C21orf91: variants seen among roughly 807,000 people sequenced by gnomAD.
The protein encoded by C21orf91 is protein EURL homolog.
C21orf91 carries 26 observed loss-of-function variants against 32.9 expected under a neutral mutation model. The observed-to-expected ratio is 0.79, with a 90% confidence interval of 0.58 to 1.10. C21orf91 has a LOEUF of 1.10. Among genes scored for constraint, C21orf91 ranks in the 50% least tolerant of loss-of-function variants. The probability of loss-of-function intolerance (pLI) is 0.00; values close to 1 mark genes in which losing one functional copy is unlikely to be tolerated. For missense variants in C21orf91, 310 were observed against 341.3 expected, an observed-to-expected ratio of 0.91 and a Z score of 0.72; for synonymous variants, 126 against 120.4, an observed-to-expected ratio of 1.05 and a Z score of -0.31.
intron 1 of C21orf91, chr21:17,819,087 G>T (rs1390145509): frequency 6.6e-6 from 1 of 152,244 alleles, no homozygotes; most frequent in Admixed American, 6.5e-5. Context: ...CAGCGTCTCG[G>T]GGAGCCGGGT....
intron 2 of C21orf91, among the ~76,000 whole-genome samples, chr21:17,813,177 C>A (rs1265634218): frequency 6.6e-6 from 1 of 152,200 alleles, no homozygotes; most frequent in Non-Finnish European, 1.5e-5. Flanking sequence ...TAGCTCTTTA[C>A]AGCTTCCTGA....
intron 2 of C21orf91, among the ~76,000 whole-genome samples, chr21:17,806,531 G>A (rs1265390717): frequency 6.6e-6 from 1 of 151,970 alleles, no homozygotes; most frequent in Non-Finnish European, 1.5e-5. Flanking sequence ...TGGAGGAGAG[G>A]GTAAATAGAT....
At chr21:17,811,759 CAG>C (rs981030406) in intron 2 of C21orf91, among the ~76,000 whole-genome samples, 2 of 152,156 alleles carry the variant, frequency 1.3e-5, no homozygotes, top group South Asian at 2.1e-4. Flanking sequence ...GACTCTGAAA[CAG>C]AAAGTCATTT....
intron 2 of C21orf91, among the ~76,000 whole-genome samples, chr21:17,800,886 G>T (rs1437416323): frequency 6.6e-6 from 1 of 151,924 alleles, no homozygotes. Context: ...TTTTTTTAAA[G>T]TATGGGTTTC....
rs567696457 is a variant in C21orf91, at chr21:17,794,287, G to A, written c.728-706C>T. Among the ~76,000 whole-genome samples, 13 of 152,196 alleles carry A rather than the reference G, an allele frequency of 8.5e-5. No homozygotes were observed. In the South Asian group the frequency reaches 2.7e-3, roughly 32 times the overall value. On this transcript the variant is annotated intron_variant, in intron 4 of 4. Coordinates refer to ENST00000284881, the MANE Select transcript of C21orf91 (RefSeq NM_001100420.2). ...TGAAGTACAATTTTCTCATCTAAAA[G>A]GAAATAAATTGAAAAGGAGACAACT...
At chr21:17,816,116 T>C (rs959959190) in intron 2 of C21orf91, among the ~76,000 whole-genome samples, 1 of 152,240 alleles carries the variant, frequency 6.6e-6, no homozygotes, top group African/African-American at 2.4e-5. Context: ...TTTTAATATA[T>C]AAAACCTTGA....
intron 2 of C21orf91, among the ~76,000 whole-genome samples, chr21:17,816,481 G>C (rs2062665440): frequency 6.6e-6 from 1 of 152,188 alleles, no homozygotes; most frequent in Non-Finnish European, 1.5e-5. Flanking sequence ...ATTAGGATTA[G>C]AACATCAGCC....
chr21:17,793,682 G>A, intron 4 of C21orf91, 101 bp from the exon 5 acceptor site: 1 of 731,702 alleles, frequency 1.4e-6, no homozygotes, highest in South Asian at 1.8e-5. Context: ...TGGGCAAAGT[G>A]TCACAATGAA....
intron 2 of C21orf91, among the ~76,000 whole-genome samples, chr21:17,816,647 A>G (rs532702364): frequency 2.6e-5 from 4 of 152,362 alleles, no homozygotes; most frequent in African/African-American, 9.6e-5. Flanking sequence ...GTTCTATCAC[A>G]TTTAAAATAG....
intron 1 of C21orf91, chr21:17,818,807 T>G (rs1050832722): frequency 1.3e-5 from 2 of 152,586 alleles, no homozygotes; most frequent in South Asian, 4.1e-4. Context: ...TTGCGAAGCT[T>G]CGCATCGAAC....
rs192534625 is a variant in C21orf91, at chr21:17,808,282, C to T, written c.127+9910G>A. Among the ~76,000 whole-genome samples, 16 of 152,368 alleles carry T rather than the reference C, an allele frequency of 1.1e-4. No individual in the cohort carries two copies. In the East Asian group the frequency reaches 1.5e-3, roughly 15 times the overall value. On this transcript the variant is annotated intron_variant, in intron 2 of 4. Transcript: ENST00000284881. Reference sequence around the variant, plus strand: ...AAGCTGTAAGCCTTGGGGGCTTCCACGTGGTGTTAACCCTGCAGGTGTGCA... The same window carrying T: ...AAGCTGTAAGCCTTGGGGGCTTCCATGTGGTGTTAACCCTGCAGGTGTGCA...
intron 2 of C21orf91, among the ~76,000 whole-genome samples, chr21:17,804,881 CAA>C (rs2062585011): frequency 6.6e-6 from 1 of 152,162 alleles, no homozygotes; most frequent in Non-Finnish European, 1.5e-5. Flanking sequence ...AATGACTTGT[CAA>C]AAATAAAACC....
chr21:17,806,152 G>A lies in C21orf91; in HGVS notation c.128-9034C>T, dbSNP rs115505564. On this transcript the variant is annotated intron_variant, in intron 2 of 4. Coordinates refer to ENST00000284881, the MANE Select transcript of C21orf91 (RefSeq NM_001100420.2). ...TCTGCCTTTCATCTCCTCAACTGCC[G>A]CCTGCTCCACTTAAGTTCTGAGAAA... is the stretch of plus-strand genomic sequence containing the variant. Among the ~76,000 whole-genome samples the A allele has an allele frequency of 6.2e-3, 948 of 152,230 alleles. 7 individuals are homozygous for A. Among genetic ancestry groups the A allele is most frequent in the African/African-American group, 0.022 (912 of 41,520 alleles).
chr21:17,815,250 C>G (rs2062657696), intron 2 of C21orf91, among the ~76,000 whole-genome samples: 1 of 152,160 alleles, frequency 6.6e-6, no homozygotes, highest in Non-Finnish European at 1.5e-5. Flanking sequence ...GGACTCAAAA[C>G]TAGCTTAACT....
intron 2 of C21orf91, among the ~76,000 whole-genome samples, chr21:17,813,130 G>A (rs2062643649): frequency 6.6e-6 from 1 of 152,230 alleles, no homozygotes; most frequent in African/African-American, 2.4e-5. Flanking sequence ...GCCATTACAG[G>A]ATGGGAAATG....
In C21orf91 at chr21:17,790,829, T is replaced by G. The variant is rs1385341927; in HGVS notation, c.*2586A>C. ...TGTGTGGTCAAAAACACTTTTCTAA[T>G]TTTTAAAACTCAATTTAACGTGTCA... is the stretch of plus-strand genomic sequence containing the variant. On this transcript the variant is annotated 3_prime_UTR_variant, in exon 5 of 5. Transcript: ENST00000284881. The G allele has an allele frequency of 6.6e-6, 1 of 152,156 alleles. No individual in the cohort carries two copies. The highest frequency in any genetic ancestry group is 1.5e-5 in the Non-Finnish European group (1 of 67,964). 9.4% of individuals were successfully genotyped at this position (152,156 alleles called of 1,614,324 possible). A position where few individuals can be genotyped will look rare whatever the true frequency, so the allele number is the denominator to read the frequency against.
chr21:17,800,418 C>A (rs2062551107), intron 2 of C21orf91, among the ~76,000 whole-genome samples: 1 of 152,142 alleles, frequency 6.6e-6, no homozygotes, highest in Non-Finnish European at 1.5e-5. Flanking sequence ...ACTTAATTTG[C>A]ATCAGTAATA....
rs2062482057 is a variant in C21orf91, at chr21:17,792,358, T to C, written c.*1057A>G. ...ATATTTCTCTATAGAGTCTAAAGTT[T>C]AGAAAAATACCTCACAATGCTTTCT... On this transcript the variant is annotated 3_prime_UTR_variant, in exon 5 of 5. Transcript: ENST00000284881. 1 of 152,158 alleles carries C rather than the reference T, an allele frequency of 6.6e-6. No homozygotes were observed. Among genetic ancestry groups the C allele is most frequent in the African/African-American group, 2.4e-5 (1 of 41,452 alleles). The allele number at this position is 152,158 out of a possible 1,614,324, so 9.4% of individuals were successfully genotyped here.
chr21:17,796,508 C>A (rs2062518901), intron 3 of C21orf91, 74 bp downstream of exon 3: 1 of 1,093,358 alleles, frequency 9.1e-7, no homozygotes, highest in African/African-American at 1.6e-5. Context: ...AAATTCTTGA[C>A]CCATTACACA....
Sources: gnomAD v4.1 joint callset for allele counts (sites outside exome capture counted in the v4.1 genomes callset) on GRCh38, gnomAD v4.1.1 for gene constraint, MANE v1.5 for transcripts, NCBI Gene and HGNC (gene_info 2026-07-23, HGNC 2026-07-21) for gene names.